The following HSPA12A variants were observed in gnomAD, a reference collection of about 807,000 sequenced individuals.
HSPA12A encodes heat shock 70 kDa protein 12A.
HSPA12A carries 28 observed loss-of-function variants against 69.2 expected under a neutral mutation model. The ratio of observed to expected loss-of-function variants is 0.40; its 90% CI spans 0.30 to 0.55. HSPA12A has a LOEUF of 0.55. Ranked by LOEUF, HSPA12A falls within the 20% of genes least tolerant of loss-of-function variation. HSPA12A has a pLI of 0.38. For synonymous variants in HSPA12A, 345 were observed against 370.5 expected (o/e 0.93, Z 0.79); for missense variants, 686 against 900.7 (o/e 0.76, Z 3.05).
At chr10:116,754,825 A>G (rs567138022) in intron 2 of HSPA12A, among the ~76,000 whole-genome samples, 1 of 152,388 alleles carries the variant, frequency 6.6e-6, no homozygotes, top group Non-Finnish European at 1.5e-5. Context: ...ACTTTCATAC[A>G]TACATGGATG....
chr10:116,730,938 C>T (rs1442852019), intron 1 of HSPA12A, among the ~76,000 whole-genome samples: 1 of 152,240 alleles, frequency 6.6e-6, no homozygotes, highest in African/African-American at 2.4e-5. Context: ...ACCCTCCCAA[C>T]GTTTCCTGGG....
At position 116,750,988 on chromosome 10, in the gene HSPA12A, C is replaced by T. The variant is rs187519286; in HGVS notation, c.92-43703G>A. Among the ~76,000 whole-genome samples, 214 of 140,926 alleles carry T rather than the reference C, an allele frequency of 1.5e-3. 1 individual carries two copies. Among genetic ancestry groups the T allele is most frequent in the Non-Finnish European group, 1.4e-4 (9 of 65,704 alleles). 92.5% of individuals were successfully genotyped at this position (140,926 alleles called of 152,430 possible). ...ATGAAGAAAGAGGAAGGAAGAAGGA[C>T]GAGGAGGAAGAGGAAGAACATGAAG... On this transcript the variant is annotated intron_variant, in intron 2 of 12. Transcript: ENST00000635765.
rs372359915 is a variant in HSPA12A at position 116,811,349 on chromosome 10, AAG to A, written c.91+23584_91+23585del. ...CTTCACATCCAATTCCCATTCCCAT[AAG>A]AGTCAGGCTAAGATTCCTGGCCCCC... On this transcript the variant is annotated intron_variant, in intron 2 of 12. Transcript: ENST00000635765. Among the ~76,000 whole-genome samples, 1,391 of 152,194 alleles carry A rather than the reference AAG, an allele frequency of 9.1e-3. 17 individuals are homozygous for A. The highest frequency in any genetic ancestry group is 0.031 in the African/African-American group (1,303 of 41,524).
At chr10:116,787,353 A>G (rs1188114707) in intron 2 of HSPA12A, among the ~76,000 whole-genome samples, 1 of 150,538 alleles carries the variant, frequency 6.6e-6, no homozygotes. Context: ...TTTACTGCCC[A>G]CTGCTCCTAA....
intron 2 of HSPA12A, among the ~76,000 whole-genome samples, chr10:116,800,696 G>GT (rs1844938129): frequency 1.3e-5 from 2 of 152,306 alleles, no homozygotes; most frequent in South Asian, 4.1e-4. Context: ...AGAGTGCTTG[G>GT]TACCTTGTCC....
At chr10:116,676,912 G>C (rs1409773863) in intron 10 of HSPA12A, among the ~76,000 whole-genome samples, 1 of 152,192 alleles carries the variant, frequency 6.6e-6, no homozygotes, top group Non-Finnish European at 1.5e-5. Flanking sequence ...GCGCTCAGGT[G>C]CATGTCCTCA....
intron 1 of HSPA12A, among the ~76,000 whole-genome samples, chr10:116,840,892 C>A (rs778312791): frequency 1.2e-4 from 19 of 152,202 alleles, no homozygotes; most frequent in Non-Finnish European, 2.5e-4. Flanking sequence ...TTGATCAACT[C>A]CAATTTTCAC....
upstream of HSPA12A, chr10:116,850,254 A>C: frequency 5.5e-6 from 1 of 180,534 alleles, no homozygotes; most frequent in Non-Finnish European, 1.2e-5. Context: ...CCCGCCCTAA[A>C]CTCCAAAATT....
chr10:116,761,747 A>G (rs1750852241), intron 2 of HSPA12A, among the ~76,000 whole-genome samples: 1 of 152,136 alleles, frequency 6.6e-6, no homozygotes, highest in Admixed American at 6.5e-5. Context: ...GGTGGAAGGA[A>G]AAACAGAACA....
At chr10:116,804,615 C>A (rs1845030482) in intron 2 of HSPA12A, among the ~76,000 whole-genome samples, 1 of 152,118 alleles carries the variant, frequency 6.6e-6, no homozygotes, top group Non-Finnish European at 1.5e-5. Context: ...AATGTTCCTG[C>A]GTGTTCCTAC....
At position 116,694,972 on chromosome 10, in the gene HSPA12A, C is replaced by T. The variant is rs369872469; in HGVS notation, c.547-2505G>A. Among the ~76,000 whole-genome samples the T allele has an allele frequency of 8.5e-5, 13 of 152,222 alleles. No individual in the cohort carries two copies. The East Asian group carries it at 1.2e-3, about 14-fold the overall frequency. ...TCCCTCTCCCATGCCTCAACCCCCA[C>T]CCCACAGTGACCTTGCTGCCAGGCC... On this transcript the variant is annotated intron_variant, in intron 5 of 11. Transcript: ENST00000369209.
chr10:116,727,292 G>T (rs1248185938), intron 1 of HSPA12A, among the ~76,000 whole-genome samples: 1 of 152,152 alleles, frequency 6.6e-6, no homozygotes, highest in East Asian at 1.9e-4. Flanking sequence ...GCCAAGACAG[G>T]CTCATTCATG....
intron 2 of HSPA12A, among the ~76,000 whole-genome samples, chr10:116,758,459 G>T (rs989794101): frequency 6.6e-6 from 1 of 152,142 alleles, no homozygotes; most frequent in Non-Finnish European, 1.5e-5. Flanking sequence ...CCAGGAGGTG[G>T]CATGGCTGGA....
At chr10:116,711,270 T>C (rs1309622412) in intron 1 of HSPA12A, among the ~76,000 whole-genome samples, 2 of 152,132 alleles carry the variant, frequency 1.3e-5, no homozygotes, top group Non-Finnish European at 2.9e-5. Flanking sequence ...GATAGTCCAG[T>C]TCAGTCCCCA....
intron 3 of HSPA12A, among the ~76,000 whole-genome samples, chr10:116,701,898 G>C (rs2132968447): frequency 6.6e-6 from 1 of 152,276 alleles, no homozygotes; most frequent in Admixed American, 6.5e-5. Flanking sequence ...TAGAGCAGGG[G>C]TATGACAGAA....
chr10:116,817,874 G>A (rs1403881525), intron 2 of HSPA12A, among the ~76,000 whole-genome samples: 1 of 152,198 alleles, frequency 6.6e-6, no homozygotes, highest in Non-Finnish European at 1.5e-5. Flanking sequence ...GAGAGCAGCA[G>A]CAGCAGTTCG....
intron 2 of HSPA12A, among the ~76,000 whole-genome samples, chr10:116,814,415 T>C (rs1250600418): frequency 6.6e-6 from 1 of 152,198 alleles, no homozygotes; most frequent in Non-Finnish European, 1.5e-5. Flanking sequence ...TTATCTTTGC[T>C]CACCTGTGAC....
chr10:116,698,186 G>A (rs2022126), intron 5 of HSPA12A: 2,035 of 154,094 alleles, frequency 0.013, 127 homozygotes, highest in Admixed American at 0.1. Flanking sequence ...TCATGTATAC[G>A]TGTGTTTGTG....
chr10:116,760,999 T>C (rs1487522483), intron 2 of HSPA12A, among the ~76,000 whole-genome samples: 1 of 147,906 alleles, frequency 6.8e-6, no homozygotes, highest in African/African-American at 2.5e-5. Flanking sequence ...AAAAGAACTA[T>C]AATTCTCATA....
Sources: allele counts gnomAD v4.1 joint callset (sites outside exome capture counted in the v4.1 genomes callset), GRCh38; gene constraint gnomAD v4.1.1; transcripts MANE v1.5; gene names NCBI Gene and HGNC (gene_info 2026-07-23, HGNC 2026-07-21).